Variants in NR2C1 observed in about 807,000 individuals in gnomAD.
NR2C1 encodes TR2 nuclear hormone receptor.
Under a neutral mutation model 74.8 loss-of-function variants are expected in NR2C1, and 33 were observed. The observed-to-expected ratio is 0.44, with a 90% CI of 0.33 to 0.59. The LOEUF is 0.59. Ranked by LOEUF, NR2C1 falls within the 20% of genes least tolerant of loss-of-function variation. The pLI is 0.02. For synonymous variants in NR2C1, 225 were observed against 240.6 expected, an observed-to-expected ratio of 0.94 and a Z score of 0.60; for missense variants, 568 against 715.6, an observed-to-expected ratio of 0.79 and a Z score of 2.35.
In NR2C1 at chr12:95,031,359, A is replaced by G. The variant is rs1870085377; in HGVS notation, c.1383T>C (p.Ser461=). The G allele has an allele frequency of 6.3e-7, 1 of 1,591,994 alleles. No individual in the cohort carries two copies. ...GAAGGTGCTTTTTACCTTGTTGAAG[A>G]CTATTGTGAAGACAATTGACAAATG... ...LATFVNCLHN[S]LQQDKMSTER... is the part of the protein sequence containing the mutation. The change falls in exon 11 of 14, where the codon AGT becomes AGC. Residue 461 remains serine, a synonymous_variant. Transcript: ENST00000333003.
At position 95,024,218 on chromosome 12, in the gene NR2C1, A is replaced by G. The variant is rs574947063; in HGVS notation, c.1637+932T>C. Among the ~76,000 whole-genome samples the G allele has an allele frequency of 1.2e-4, 18 of 151,702 alleles. No homozygotes were observed. In the South Asian group the frequency reaches 3.8e-3, roughly 32 times the overall value. Reference sequence around the variant, plus strand: ...GTTTGAAGTATGCCAAACTAATAAAATGTTTTATTTATTATAAACAAACAC... The same window carrying G: ...GTTTGAAGTATGCCAAACTAATAAAGTGTTTTATTTATTATAAACAAACAC... On this transcript the variant is annotated intron_variant, in intron 13 of 13. Transcript: ENST00000333003.
Position 95,031,381 on chromosome 12 carries a change from A to G in NR2C1, c.1361T>C (p.Phe454Ser). The G allele has an allele frequency of 6.2e-7, 1 of 1,604,438 alleles. No individual in the cohort carries two copies. The change falls in exon 11 of 14, where the codon TTT becomes TCT. Residue 454 changes from phenylalanine (F) to serine (S), a missense_variant. By Grantham distance (155) the Phe-to-Ser change is radical. Coordinates refer to ENST00000333003, the MANE Select transcript of NR2C1 (RefSeq NM_003297.4). ...AAGACTATTGTGAAGACAATTGACA[A>G]ATGTTGCTAATATAGTTGCTACATT... is the stretch of plus-strand genomic sequence containing the variant. ...VMNVATILAT[F>S]VNCLHNSLQQ...
At position 95,022,212 on chromosome 12, in the gene NR2C1, C is replaced by A; in HGVS notation, c.*17G>T. 3 of 1,597,568 alleles carry A rather than the reference C, an allele frequency of 1.9e-6. No individual in the cohort carries two copies. Among genetic ancestry groups the A allele is most frequent in the Non-Finnish European group, 2.6e-6 (3 of 1,172,984 alleles). On this transcript the variant is annotated 3_prime_UTR_variant, in exon 14 of 14. Transcript: ENST00000333003. The stretch of plus-strand genomic sequence containing the variant: ...TGGCAAAGAACAGTTAAGTTTACAG[C>A]ACTGCAGTCACAGTTTTCAAATGCT...
chr12:95,056,990 T>TAA (rs1565865999), intron 7 of NR2C1, among the ~76,000 whole-genome samples: 14 of 150,400 alleles, frequency 9.3e-5, no homozygotes, highest in Middle Eastern at 3.5e-3. Context: ...TTTACACCTA[T>TAA]AATAAATGTC....
Position 95,048,929 on chromosome 12 carries a change from G to T in NR2C1, c.1131+139C>A, listed in dbSNP as rs1391893613. The T allele has an allele frequency of 5.0e-6, 4 of 792,166 alleles. No homozygotes were observed. The East Asian group carries it at 8.2e-5, about 16-fold the overall frequency. 49.1% of individuals were successfully genotyped at this position (792,166 alleles called of 1,614,324 possible). On this transcript the variant is annotated intron_variant, in intron 9 of 13. Transcript: ENST00000333003. ...ATAAGCCACTGTGCCTGGCCCAGATGAGTGTTTTAGCTGCTGTTCTGAAAT... is the reference window on the plus strand; with the variant it reads ...ATAAGCCACTGTGCCTGGCCCAGATTAGTGTTTTAGCTGCTGTTCTGAAAT...
At chr12:95,067,034 C>T (rs1298373599) in intron 2 of NR2C1, 2 of 391,248 alleles carry the variant, frequency 5.1e-6, no homozygotes, top group African/African-American at 4.2e-5. Context: ...AAAAAGAATT[C>T]CCTCAAAAGC....
At position 95,062,579 on chromosome 12, in the gene NR2C1, T is replaced by C. The variant is rs758748208; in HGVS notation, c.214A>G (p.Thr72Ala). ...QDSTPGKVFL[T>A]TPDAAGVNQL... ...TTGACACCTGCTGCATCTGGAGTTG[T>C]AAGGAAAACTTTTCCCGGAGTGGAA... Residue 72 changes from threonine to alanine, a missense_variant, in exon 3 of 14, where the codon ACA (threonine) becomes GCA (alanine). By Grantham distance (58) the Thr-to-Ala change is moderately conservative. This residue lies in a region of NR2C1 where 128 missense variants were observed against 118.9 expected (regional missense o/e 1.08). Coordinates refer to ENST00000333003, the MANE Select transcript of NR2C1 (RefSeq NM_003297.4). 3.7e-6 allele frequency: 6 copies of C among 1,613,932 alleles called. No individual in the cohort carries two copies. The African/African-American group carries it at 8.0e-5, about 22-fold the overall frequency.
chr12:95,042,698 G>T (rs921450340), intron 9 of NR2C1, among the ~76,000 whole-genome samples: 2 of 152,110 alleles, frequency 1.3e-5, no homozygotes, highest in Non-Finnish European at 2.9e-5. Context: ...TAAAACAAAA[G>T]GGCAATTAAT....
intron 9 of NR2C1, among the ~76,000 whole-genome samples, chr12:95,047,587 T>C (rs1364091648): frequency 6.6e-6 from 1 of 152,244 alleles, no homozygotes; most frequent in Non-Finnish European, 1.5e-5. Context: ...TTGATAGCTG[T>C]ACATATTCTC....
At chr12:95,034,329 A>G (rs561986826) in intron 10 of NR2C1, among the ~76,000 whole-genome samples, 10 of 152,340 alleles carry the variant, frequency 6.6e-5, no homozygotes, top group African/African-American at 2.4e-4. Context: ...CCGGTATTTT[A>G]TAATATTCCT....
At chr12:95,062,347 C>T (rs2136189872) in intron 3 of NR2C1, among the ~76,000 whole-genome samples, 161 bp downstream of exon 3, 1 of 152,160 alleles carries the variant, frequency 6.6e-6, no homozygotes. Flanking sequence ...GTACAGTGGC[C>T]CATAGGAGAG....
At chr12:95,040,638 A>T in intron 9 of NR2C1, 41 bp from the exon 10 acceptor site, 1 of 1,549,088 alleles carries the variant, frequency 6.5e-7, no homozygotes, top group Non-Finnish European at 8.8e-7. Flanking sequence ...CTTATGACTG[A>T]AAAGTTCTAA....
rs1869987202 is a variant in NR2C1 at position 95,030,712 on chromosome 12, A to G, written c.1393+637T>C. 1.2e-5 allele frequency: 20 copies of G among 1,602,108 alleles called. No homozygotes were observed. The South Asian group carries it at 1.8e-4, about 14-fold the overall frequency. On this transcript the variant is annotated intron_variant, in intron 11 of 13. Coordinates refer to ENST00000333003, the MANE Select transcript of NR2C1 (RefSeq NM_003297.4). The stretch of plus-strand genomic sequence containing the variant: ...AGAATATGCTAAAGAACTAAAAGGT[A>G]GTCCCCAATTTATAAATTATTCCTG...
At chr12:95,065,429 A>T (rs1565876487) in intron 2 of NR2C1, among the ~76,000 whole-genome samples, 1 of 152,130 alleles carries the variant, frequency 6.6e-6, no homozygotes. Flanking sequence ...TAGTTGATTC[A>T]TTTAAAAATT....
At position 95,057,846 on chromosome 12, in the gene NR2C1, A is replaced by C; in HGVS notation, c.577T>G (p.Ser193Ala). Reference protein sequence around the residue: ...VQCERKPIEVSREKSSNCAAS... With the variant: ...VQCERKPIEVAREKSSNCAAS... ...GCACAGTTGGAAGATTTTTCTCGTG[A>C]TACTTCAATGGGTTTTCTTTCACAT... The change falls in exon 6 of 14, where the codon TCA becomes GCA. Residue 193 changes from serine to alanine, a missense_variant. Physicochemically the swap from Ser to Ala is moderately conservative, Grantham distance 99 (BLOSUM62 1). Coordinates refer to ENST00000333003, the MANE Select transcript of NR2C1 (RefSeq NM_003297.4). 1.2e-6 allele frequency: 2 copies of C among 1,613,996 alleles called. No individual in the cohort carries two copies. Among genetic ancestry groups the C allele is most frequent in the Admixed American group, 3.3e-5 (2 of 60,020 alleles).
chr12:95,043,549 C>A, intron 9 of NR2C1, among the ~76,000 whole-genome samples: 1 of 151,342 alleles, frequency 6.6e-6, no homozygotes. Flanking sequence ...ATTAGCCGGG[C>A]ATGGCGGTGT....
At chr12:95,056,374 C>T (rs995385513) in intron 7 of NR2C1, among the ~76,000 whole-genome samples, 2 of 152,308 alleles carry the variant, frequency 1.3e-5, no homozygotes, top group Middle Eastern at 3.4e-3. Context: ...TCCCAAAGGG[C>T]TTCTGACAAG....
chr12:95,071,974 C>T (rs902877951), intron 1 of NR2C1, among the ~76,000 whole-genome samples: 1 of 151,518 alleles, frequency 6.6e-6, no homozygotes, highest in Non-Finnish European at 1.5e-5. Flanking sequence ...TCTCGAACTC[C>T]CGACTTCAGA....
chr12:95,072,430 C>A (rs1421876265), intron 1 of NR2C1, among the ~76,000 whole-genome samples: 6 of 132,796 alleles, frequency 4.5e-5, no homozygotes, highest in Non-Finnish European at 7.7e-5. Flanking sequence ...TCCAGCTTGG[C>A]GACAGTGAGA....
Sources: gnomAD v4.1 joint callset for allele counts (sites outside exome capture counted in the v4.1 genomes callset) on GRCh38, gnomAD v4.1.1 for gene constraint, gnomAD v4.1.1 regional missense constraint, MANE v1.5 for transcripts, NCBI Gene and HGNC (gene_info 2026-07-23, HGNC 2026-07-21) for gene names.